The following BEND4 variants were observed in gnomAD, a reference collection of about 807,000 sequenced individuals.
BEND4 encodes BEN domain-containing protein 4.
In BEND4, 27 loss-of-function variants were observed where a neutral mutation model predicts 54.7. That is an observed-to-expected ratio of 0.49 (90% confidence interval 0.36 to 0.68). The LOEUF is 0.68. Among genes scored for constraint, BEND4 ranks in the 30% least tolerant of loss-of-function variants. The probability of loss-of-function intolerance (pLI) is 0.00; values close to 1 mark genes in which losing one functional copy is unlikely to be tolerated. For missense variants in BEND4, 702 were observed against 697.2 expected (o/e 1.01, Z -0.08); for synonymous variants, 327 against 299.5 (o/e 1.09, Z -0.95).
Position 42,151,977 on chromosome 4 carries a change from G to A in BEND4, c.167C>T (p.Pro56Leu). ...LVELPHVRAP[P>L]PPPPPFAPHA... is the part of the protein sequence containing the mutation. ...CGGCGCGAAGGGCGGCGGGGGCGGC[G>A]GGGGCGCCCGCACGTGCGGCAGCTC... The change falls in exon 2 of 6, where the codon CCG becomes CTG. Residue 56 changes from proline (P) to leucine (L), a missense_variant. Coordinates refer to ENST00000502486, the MANE Select transcript of BEND4 (RefSeq NM_207406.4). 8.0e-7 allele frequency: 1 copy of A among 1,251,764 alleles called. No homozygotes were observed. The highest frequency in any genetic ancestry group is 1.0e-6 in the Non-Finnish European group (1 of 993,986). 77.5% of individuals were successfully genotyped at this position (1,251,764 alleles called of 1,614,324 possible). A position where few individuals can be genotyped will look rare whatever the true frequency, so the allele number is the denominator to read the frequency against.
At position 42,142,457 on chromosome 4, in the gene BEND4, TA is replaced by T. The variant is rs199780215; in HGVS notation, c.1054+970del. Among the ~76,000 whole-genome samples, 371 of 119,336 alleles carry T rather than the reference TA, an allele frequency of 3.1e-3. 2 individuals are homozygous for T. The highest frequency in any genetic ancestry group is 0.014 in the African/African-American group (329 of 23,506). 78.3% of individuals were successfully genotyped at this position (119,336 alleles called of 152,430 possible). The stretch of plus-strand genomic sequence containing the variant: ...CAACATGGTGAAACCCTATCTCTAC[TA>T]AAAAAAATATATATATATATATAAA... On this transcript the variant is annotated intron_variant, in intron 3 of 5. Coordinates refer to ENST00000502486, the MANE Select transcript of BEND4 (RefSeq NM_207406.4).
Position 42,152,326 on chromosome 4 carries a change from C to A in BEND4, c.-183G>T. On this transcript the variant is annotated 5_prime_UTR_variant, in exon 2 of 6. Transcript: ENST00000502486. ...TGAGGCTGGCATCGCCGAGCCCCCG[C>A]GCGGGGGGCTGCCGCCCGAGCTCCT... 2.3e-6 allele frequency: 1 copy of A among 428,450 alleles called. No individual in the cohort carries two copies. Among genetic ancestry groups the A allele is most frequent in the South Asian group, 1.1e-4 (1 of 9,190 alleles). The allele number at this position is 428,450 out of a possible 1,614,324, so 26.5% of individuals were successfully genotyped here.
At position 42,151,904 on chromosome 4, in the gene BEND4, G is replaced by C. The variant is rs1182876642; in HGVS notation, c.240C>G (p.Phe80Leu). Reference sequence around the variant, plus strand: ...CGGGGGGGTAGGAGCTCTGCGCCTGGAACTGCTGCGGCGGCGGCTCGCTGC... The same window carrying C: ...CGGGGGGGTAGGAGCTCTGCGCCTGCAACTGCTGCGGCGGCGGCTCGCTGC... ...ISSSEPPPQQFQAQSSYPPGP... is the reference protein window; with the variant it reads ...ISSSEPPPQQLQAQSSYPPGP... The change falls in exon 2 of 6, where the codon TTC becomes TTG. Residue 80 changes from phenylalanine (F) to leucine (L), a missense_variant. Physicochemically the swap from Phe to Leu is conservative, Grantham distance 22. Coordinates refer to ENST00000502486, the MANE Select transcript of BEND4 (RefSeq NM_207406.4). 7.9e-7 allele frequency: 1 copy of C among 1,260,722 alleles called. No individual in the cohort carries two copies. Among genetic ancestry groups the C allele is most frequent in the Non-Finnish European group, 9.9e-7 (1 of 1,006,168 alleles). The allele number at this position is 1,260,722 out of a possible 1,614,324, so 78.1% of individuals were successfully genotyped here. A position where few individuals can be genotyped will look rare whatever the true frequency, so the allele number is the denominator to read the frequency against.
chr4:42,151,468 G>A, intron 2 of BEND4, 189 bp downstream of exon 2: 1 of 491,816 alleles, frequency 2.0e-6, no homozygotes, highest in Non-Finnish European at 3.2e-6. Context: ...GCCGTCGGAA[G>A]CCCAGGCGCG....
intron 3 of BEND4, among the ~76,000 whole-genome samples, chr4:42,133,645 G>C (rs1231487950): frequency 6.6e-6 from 1 of 151,998 alleles, no homozygotes; most frequent in African/African-American, 2.4e-5. Context: ...ACGTGGTCAG[G>C]AGATCGAGAC....
intron 3 of BEND4, among the ~76,000 whole-genome samples, chr4:42,138,009 T>C (rs1365663796): frequency 6.6e-6 from 1 of 152,174 alleles, no homozygotes; most frequent in Non-Finnish European, 1.5e-5. Context: ...TGTAGAATGG[T>C]ACAGACATTA....
chr4:42,123,593 C>A (rs776921496), intron 4 of BEND4, among the ~76,000 whole-genome samples: 1 of 145,814 alleles, frequency 6.9e-6, no homozygotes. Flanking sequence ...GGCTTTTCAG[C>A]GGTGCTTTTT....
At position 42,120,038 on chromosome 4, in the gene BEND4, C is replaced by A. The variant is rs762193109; in HGVS notation, c.1387+16G>T. Reference sequence around the variant, plus strand: ...TGAGATCACAGATGGTGACACTGAGCGGAAGGATGCAGTACCTCGGAGGCA... The same window carrying A: ...TGAGATCACAGATGGTGACACTGAGAGGAAGGATGCAGTACCTCGGAGGCA... On this transcript the variant is annotated intron_variant, in intron 5 of 5. Coordinates refer to ENST00000502486, the MANE Select transcript of BEND4 (RefSeq NM_207406.4). The A allele has an allele frequency of 1.3e-5, 21 of 1,613,698 alleles. No individual in the cohort carries two copies. The highest frequency in any genetic ancestry group is 1.7e-5 in the Non-Finnish European group (20 of 1,179,830).
At chr4:42,130,983 G>C (rs1266232321) in intron 3 of BEND4, among the ~76,000 whole-genome samples, 2 of 152,250 alleles carry the variant, frequency 1.3e-5, no homozygotes, top group East Asian at 3.9e-4. Context: ...ACCAAACACT[G>C]CATGTTCTCA....
intron 5 of BEND4, among the ~76,000 whole-genome samples, chr4:42,118,604 C>A (rs1342804369): frequency 6.6e-6 from 1 of 152,180 alleles, no homozygotes; most frequent in African/African-American, 2.4e-5. Flanking sequence ...GTATTTTAAT[C>A]CATCAGTTCT....
intron 3 of BEND4, among the ~76,000 whole-genome samples, chr4:42,133,656 C>T (rs983093479): frequency 6.6e-6 from 1 of 151,824 alleles, no homozygotes; most frequent in African/African-American, 2.4e-5. Context: ...AGATCGAGAC[C>T]ATCCTGGGCT....
At position 42,117,426 on chromosome 4, in the gene BEND4, G is replaced by T. The variant is rs1719882196; in HGVS notation, c.*92C>A. On this transcript the variant is annotated 3_prime_UTR_variant, in exon 6 of 6. Coordinates refer to ENST00000502486, the MANE Select transcript of BEND4 (RefSeq NM_207406.4). ...GAGAATGTGTAGACTATGGCAGAATGACAGGCTTTGGACTCTCAGGTGACA... is the reference window on the plus strand; with the variant it reads ...GAGAATGTGTAGACTATGGCAGAATTACAGGCTTTGGACTCTCAGGTGACA... The T allele has an allele frequency of 1.2e-6, 1 of 861,562 alleles. No individual in the cohort carries two copies. The highest frequency in any genetic ancestry group is 1.7e-5 in the South Asian group (1 of 58,142). The allele number at this position is 861,562 out of a possible 1,614,324, so 53.4% of individuals were successfully genotyped here. A position where few individuals can be genotyped will look rare whatever the true frequency, so the allele number is the denominator to read the frequency against.
chr4:42,142,098 G>A (rs59276051), intron 3 of BEND4, among the ~76,000 whole-genome samples: 1 of 151,264 alleles, frequency 6.6e-6, no homozygotes, highest in Non-Finnish European at 1.5e-5. Flanking sequence ...GTAGAGACGG[G>A]GTTTCACCAT....
Position 42,152,115 on chromosome 4 carries a change from T to G in BEND4, c.29A>C (p.Glu10Ala), listed in dbSNP as rs1721324294. MEEEMQPAE[E>A]GPSVPKIYKQ... ...GTAGATTTTGGGGACGCTGGGCCCCTCCTCTGCCGGCTGCATCTCTTCCTC... is the reference window on the plus strand; with the variant it reads ...GTAGATTTTGGGGACGCTGGGCCCCGCCTCTGCCGGCTGCATCTCTTCCTC... Residue 10 changes from glutamate (E) to alanine (A), a missense_variant, in exon 2 of 6, where the codon GAG (glutamate) becomes GCG (alanine). Coordinates refer to ENST00000502486, the MANE Select transcript of BEND4 (RefSeq NM_207406.4). 8.0e-7 allele frequency: 1 copy of G among 1,246,738 alleles called. No individual in the cohort carries two copies. Among genetic ancestry groups the G allele is most frequent in the South Asian group, 4.1e-5 (1 of 24,590 alleles). The allele number at this position is 1,246,738 out of a possible 1,614,324, so 77.2% of individuals were successfully genotyped here. A position where few individuals can be genotyped will look rare whatever the true frequency, so the allele number is the denominator to read the frequency against.
chr4:42,134,731 TAC>T (rs1333219032), intron 3 of BEND4, among the ~76,000 whole-genome samples: 3 of 152,226 alleles, frequency 2.0e-5, no homozygotes, highest in African/African-American at 7.2e-5. Context: ...AAGCATTTGT[TAC>T]AGTGTCACCT....
At chr4:42,131,710 C>A (rs1467209303) in intron 3 of BEND4, among the ~76,000 whole-genome samples, 1 of 151,966 alleles carries the variant, frequency 6.6e-6, no homozygotes, top group Non-Finnish European at 1.5e-5. Flanking sequence ...CTATTTAAGG[C>A]AAATGGGTCC....
At chr4:42,144,117 A>C (rs917343637) in intron 2 of BEND4, 123 bp from the exon 3 acceptor site, 10 of 752,246 alleles carry the variant, frequency 1.3e-5, no homozygotes, top group Non-Finnish European at 2.3e-5. Flanking sequence ...TCTGTCATAA[A>C]CCAAGATGAC....
chr4:42,114,617 A>G lies in BEND4; in HGVS notation c.*2901T>C, dbSNP rs1248660343. 1 of 152,242 alleles carries G rather than the reference A, an allele frequency of 6.6e-6. No homozygotes were observed. The highest frequency in any genetic ancestry group is 1.5e-5 in the Non-Finnish European group (1 of 68,048). 9.4% of individuals were successfully genotyped at this position (152,242 alleles called of 1,614,324 possible). A position where few individuals can be genotyped will look rare whatever the true frequency, so the allele number is the denominator to read the frequency against. ...AAGATGCAGAAAATCAAATCAAAAT[A>G]ATAAGCAACACCTTCAAGTCTCCAA... On this transcript the variant is annotated 3_prime_UTR_variant, in exon 6 of 6. Coordinates refer to ENST00000502486, the MANE Select transcript of BEND4 (RefSeq NM_207406.4).
In BEND4 at chr4:42,117,539, G is replaced by A. The variant is rs1288485941; in HGVS notation, c.1584C>T (p.Ser528=). The change falls in exon 6 of 6, where the codon TCC becomes TCT. Residue 528 remains serine (S), a synonymous_variant. Transcript: ENST00000502486. ...TCCACTAATCCCCAGATCCATCCTG[G>A]GAACTTTTATTGAAGACTTCATCCT... The part of the protein sequence containing the change: ...ASQDEVFNKS[S]QDGSGD The A allele has an allele frequency of 1.2e-6, 2 of 1,611,558 alleles. No individual in the cohort carries two copies. The highest frequency in any genetic ancestry group is 1.7e-5 in the Admixed American group (1 of 59,796).
Sources: gnomAD v4.1 joint callset for allele counts (sites outside exome capture counted in the v4.1 genomes callset) on GRCh38, gnomAD v4.1.1 for gene constraint, MANE v1.5 for transcripts, NCBI Gene and HGNC (gene_info 2026-07-23, HGNC 2026-07-21) for gene names.